Variants in MTMR12 observed in about 807,000 individuals in gnomAD.
MTMR12 encodes the protein myotubularin-related protein 12.
A neutral mutation model predicts 96.7 loss-of-function variants in MTMR12; 33 were observed. That is an observed-to-expected ratio of 0.34 (90% confidence interval 0.26 to 0.46). The LOEUF is 0.46. Among genes scored for constraint, MTMR12 ranks in the 20% least tolerant of loss-of-function variants. MTMR12 has a pLI of 1.00. For synonymous variants in MTMR12, 298 were observed against 327.2 expected (o/e 0.91, Z 0.96); for missense variants, 721 against 896.1 (o/e 0.80, Z 2.49).
At position 32,290,111 on chromosome 5, in the gene MTMR12, C is replaced by T. The variant is rs543411833; in HGVS notation, c.82-13369G>A. Reference sequence around the variant, plus strand: ...CATCTCCTGGTACCTGGTATACAGCCATTGACTTGGCAAATGGCTTTTTCT... The same window carrying T: ...CATCTCCTGGTACCTGGTATACAGCTATTGACTTGGCAAATGGCTTTTTCT... On this transcript the variant is annotated intron_variant, in intron 1 of 15. Coordinates refer to ENST00000382142, the MANE Select transcript of MTMR12 (RefSeq NM_001040446.3). Among the ~76,000 whole-genome samples, 236 of 152,314 alleles carry T rather than the reference C, an allele frequency of 1.5e-3. 1 individual carries two copies. The highest frequency in any genetic ancestry group is 2.1e-3 in the Admixed American group (32 of 15,296).
At position 32,230,151 on chromosome 5, in the gene MTMR12, T is replaced by C. The variant is rs969783225; in HGVS notation, c.1871A>G (p.His624Arg). 5.0e-6 allele frequency: 8 copies of C among 1,613,986 alleles called. No individual in the cohort carries two copies. In the Admixed American group the frequency reaches 5.0e-5, roughly 10 times the overall value. Reference sequence around the variant, plus strand: ...CTCGATATGCGGTAACAACAAACCATGGTAGTCAGTGGACTTGCTATGCCA... The same window carrying C: ...CTCGATATGCGGTAACAACAAACCACGGTAGTCAGTGGACTTGCTATGCCA... ...DSWHSKSTDY[H>R]GLLLPHIEGP... Residue 624 changes from histidine (H) to arginine (R), a missense_variant, in exon 16 of 16, where the codon CAT becomes CGT. His to Arg is a conservative substitution (Grantham distance 29). Transcript: ENST00000382142.
chr5:32,284,484 G>C (rs79711552), intron 1 of MTMR12, among the ~76,000 whole-genome samples: 5 of 152,152 alleles, frequency 3.3e-5, no homozygotes, highest in Admixed American at 6.5e-5. Flanking sequence ...TTTTCAGAGA[G>C]AGCAGTAGAT....
chr5:32,241,957 C>G, intron 12 of MTMR12, 100 bp downstream of exon 12: 1 of 949,534 alleles, frequency 1.1e-6, no homozygotes, highest in Non-Finnish European at 1.6e-6. Flanking sequence ...TCTACACTAA[C>G]TCACTCCTTT....
chr5:32,265,893 T>A (rs1749571475), intron 6 of MTMR12, among the ~76,000 whole-genome samples: 2 of 152,334 alleles, frequency 1.3e-5, no homozygotes, highest in South Asian at 4.1e-4. Context: ...GAGTTAAGTG[T>A]CATCCCCAGG....
chr5:32,274,674 A>AGCAT (rs141426100), intron 2 of MTMR12, among the ~76,000 whole-genome samples: 71 of 152,328 alleles, frequency 4.7e-4, no homozygotes, highest in African/African-American at 1.7e-3. Flanking sequence ...CGCCTTCCAC[A>AGCAT]GCATGACCAC....
At chr5:32,250,082 C>A (rs960794138) in intron 8 of MTMR12, among the ~76,000 whole-genome samples, 11 of 152,106 alleles carry the variant, frequency 7.2e-5, no homozygotes, top group Non-Finnish European at 1.2e-4. Context: ...TGGCGTAGAC[C>A]GAGAGTTAGA....
intron 1 of MTMR12, among the ~76,000 whole-genome samples, chr5:32,300,995 A>G (rs1173449499): frequency 6.6e-6 from 1 of 152,166 alleles, no homozygotes; most frequent in Non-Finnish European, 1.5e-5. Context: ...GAATCGCTTG[A>G]GCCTGGGAGG....
intron 15 of MTMR12, among the ~76,000 whole-genome samples, chr5:32,231,868 C>T (rs960695061): frequency 6.6e-6 from 1 of 152,208 alleles, no homozygotes; most frequent in Non-Finnish European, 1.5e-5. Flanking sequence ...TCAGTACTCA[C>T]ATTCACTGAG....
At chr5:32,241,926 G>T in intron 12 of MTMR12, 131 bp downstream of exon 12, 1 of 706,950 alleles carries the variant, frequency 1.4e-6, no homozygotes, top group Non-Finnish European at 2.3e-6. Flanking sequence ...CAAGGTTAGG[G>T]AGAAAGGAAT....
chr5:32,307,916 C>T (rs181167158), intron 1 of MTMR12, among the ~76,000 whole-genome samples: 8 of 152,328 alleles, frequency 5.3e-5, no homozygotes, highest in African/African-American at 1.7e-4. Context: ...TCACCAGGTA[C>T]AGGTATCATT....
intron 1 of MTMR12, among the ~76,000 whole-genome samples, chr5:32,293,785 G>C (rs4075637): frequency 0.42 from 64,325 of 151,954 alleles, 13,929 homozygotes; most frequent in East Asian, 0.58. Context: ...CTTCAGAGCT[G>C]TAGGCCTGGA....
chr5:32,240,394 G>A (rs1363879583), intron 12 of MTMR12, among the ~76,000 whole-genome samples: 22 of 123,044 alleles, frequency 1.8e-4, no homozygotes, highest in African/African-American at 2.7e-4. Flanking sequence ...GGGAGACTCC[G>A]TCTCAAAAAA....
chr5:32,239,254 A>G, intron 12 of MTMR12, 81 bp from the exon 13 acceptor site: 2 of 1,357,338 alleles, frequency 1.5e-6, no homozygotes, highest in Non-Finnish European at 2.0e-6. Context: ...TCACTTGCAC[A>G]GTTAAAAGTA....
intron 1 of MTMR12, among the ~76,000 whole-genome samples, chr5:32,300,638 G>A (rs1278510049): frequency 2.0e-5 from 3 of 152,056 alleles, no homozygotes; most frequent in African/African-American, 7.3e-5. Context: ...CGCTCCTCAG[G>A]TACTACTTAT....
At chr5:32,234,895 G>T (rs1748149950) in intron 14 of MTMR12, 67 bp downstream of exon 14, 1 of 1,434,348 alleles carries the variant, frequency 7.0e-7, no homozygotes, top group Non-Finnish European at 9.6e-7. Context: ...TGTAGCATCA[G>T]TATTACTGCA....
At chr5:32,293,786 T>C (rs1174806629) in intron 1 of MTMR12, among the ~76,000 whole-genome samples, 1 of 152,194 alleles carries the variant, frequency 6.6e-6, no homozygotes, top group African/African-American at 2.4e-5. Context: ...TTCAGAGCTG[T>C]AGGCCTGGAC....
At chr5:32,253,558 A>G (rs908675845) in intron 8 of MTMR12, among the ~76,000 whole-genome samples, 22 of 152,142 alleles carry the variant, frequency 1.4e-4, no homozygotes, top group Admixed American at 3.3e-4. Flanking sequence ...CACAAACTCC[A>G]CTGTAACTTT....
chr5:32,297,613 ACT>A lies in MTMR12; in HGVS notation c.81+15143_81+15144del, dbSNP rs149729084. Among the ~76,000 whole-genome samples, 1,300 of 149,688 alleles carry A rather than the reference ACT, an allele frequency of 8.7e-3. 13 individuals are homozygous for A. Among genetic ancestry groups the A allele is most frequent in the African/African-American group, 0.031 (1,237 of 40,524 alleles). ...CATTAAGATGCAAACTAAATTCCTC[ACT>A]CTGTTTTGACAGCTCATCATTTCTT... On this transcript the variant is annotated intron_variant, in intron 1 of 15. Transcript: ENST00000382142.
intron 2 of MTMR12, 91 bp downstream of exon 2, chr5:32,276,591 A>T: frequency 9.1e-7 from 1 of 1,094,354 alleles, no homozygotes; most frequent in Non-Finnish European, 1.4e-6. Context: ...AGATGAAAAC[A>T]AAGGAGTTTA....
Sources: allele counts gnomAD v4.1 joint callset (sites outside exome capture counted in the v4.1 genomes callset), GRCh38; gene constraint gnomAD v4.1.1; transcripts MANE v1.5; gene names NCBI Gene and HGNC (gene_info 2026-07-23, HGNC 2026-07-21).